TTC23: variants seen among roughly 807,000 people sequenced by gnomAD.
TTC23 encodes the protein tetratricopeptide repeat domain 23.
In TTC23, 58 loss-of-function variants were observed where a neutral mutation model predicts 55.1. The observed-to-expected ratio is 1.05, with a 90% CI of 0.85 to 1.31. The LOEUF is 1.31. TTC23 is among the 50% of genes most tolerant of loss of function. TTC23 has a pLI of 0.00. For missense variants in TTC23, 516 were observed against 534.4 expected, an observed-to-expected ratio of 0.97 and a Z score of 0.34; for synonymous variants, 203 against 199.9, an observed-to-expected ratio of 1.02 and a Z score of -0.13.
At chr15:99,179,081 G>C (rs189054400) in intron 9 of TTC23, among the ~76,000 whole-genome samples, 1 of 152,324 alleles carries the variant, frequency 6.6e-6, no homozygotes, top group East Asian at 1.9e-4. Flanking sequence ...CTGGGGCACA[G>C]AGCAGGGCTG....
At chr15:99,155,290 T>C (rs2070382731) in intron 12 of TTC23, 1 of 152,192 alleles carries the variant, frequency 6.6e-6, no homozygotes, top group Admixed American at 6.5e-5. Flanking sequence ...GCCTGAAAGA[T>C]ACAAAAGTAG....
rs57733522 is a variant in TTC23 at position 99,148,360 on chromosome 15, CAAAAAAAAAAAAAAA to C, written c.1143+7773_1143+7787del. 7.0e-3 allele frequency among the ~76,000 whole-genome samples: 214 copies of C among 30,420 alleles called. 8 individuals are homozygous for C. The highest frequency in any genetic ancestry group is 0.028 in the East Asian group (19 of 676). 20.0% of individuals were successfully genotyped at this position (30,420 alleles called of 152,430 possible). On this transcript the variant is annotated intron_variant, in intron 12 of 13. Transcript: ENST00000394132. Reference sequence around the variant, plus strand: ...TGGGTGACAGAGTGAGACTCTGTACCAAAAAAAAAAAAAAAAAAAAAAAAAAAGACCTTCTTAGCG... The same window carrying C: ...TGGGTGACAGAGTGAGACTCTGTACCAAAAAAAAAAAAGACCTTCTTAGCG...
intron 12 of TTC23, chr15:99,148,386 A>AAAAAAAAAAAAAAAAAAAAAAAAAAC (rs2069243426): frequency 6.8e-6 from 1 of 146,456 alleles, no homozygotes; most frequent in Non-Finnish European, 1.5e-5. Flanking sequence ...AAAAAAAAAA[A>AAAAAAAAAAAAAAAAAAAAAAAAAAC]AGACCTTCTT....
At chr15:99,246,328 A>C (rs2080237609) in intron 1 of TTC23, among the ~76,000 whole-genome samples, 1 of 152,176 alleles carries the variant, frequency 6.6e-6, no homozygotes, top group Non-Finnish European at 1.5e-5. Context: ...AAAATCAGTA[A>C]CATGGGGCTG....
At chr15:99,211,959 T>C (rs1044574400) in intron 8 of TTC23, among the ~76,000 whole-genome samples, 2 of 152,154 alleles carry the variant, frequency 1.3e-5, no homozygotes, top group Non-Finnish European at 2.9e-5. Context: ...CCTCCCAGTG[T>C]TGGGATTACA....
chr15:99,226,882 T>C (rs1567537597), intron 5 of TTC23, among the ~76,000 whole-genome samples: 1 of 152,354 alleles, frequency 6.6e-6, no homozygotes, highest in East Asian at 1.9e-4. Flanking sequence ...ATTTACAATG[T>C]TGATTGCCTC....
At chr15:99,193,666 G>A (rs893062549) in intron 9 of TTC23, among the ~76,000 whole-genome samples, 1 of 152,146 alleles carries the variant, frequency 6.6e-6, no homozygotes, top group Non-Finnish European at 1.5e-5. Context: ...GTCTTTCCAT[G>A]AACTTAAGAA....
rs35683833 is a variant in TTC23, at chr15:99,245,513, CAAAA to C, written c.-430-7_-430-4del. ...TGGGTGACAGAGCGAGACTCCATCT[CAAAA>C]AAAAAAAAAAAAGAATTAATATATA... On this transcript the variant is annotated splice_polypyrimidine_tract_variant and splice_region_variant and intron_variant, in intron 1 of 13. Coordinates refer to ENST00000394132, the MANE Select transcript of TTC23 (RefSeq NM_001288615.3). The C allele has an allele frequency of 5.2e-5, 6 of 115,688 alleles. No individual in the cohort carries two copies. The highest frequency in any genetic ancestry group is 3.6e-5 in the Non-Finnish European group (2 of 54,858). The allele number at this position is 115,688 out of a possible 1,614,324, so 7.2% of individuals were successfully genotyped here. A position where few individuals can be genotyped will look rare whatever the true frequency, so the allele number is the denominator to read the frequency against.
At chr15:99,150,283 A>G (rs1555496199) in intron 12 of TTC23, among the ~76,000 whole-genome samples, 1 of 152,192 alleles carries the variant, frequency 6.6e-6, no homozygotes, top group African/African-American at 2.4e-5. Context: ...GGTCCACTCC[A>G]TTCCATCCTC....
Position 99,200,094 on chromosome 15 carries a change from AC to A in TTC23, c.583del (p.Val195CysfsTer37). The A allele has an allele frequency of 1.3e-6, 2 of 1,572,058 alleles. No individual in the cohort carries two copies. The highest frequency in any genetic ancestry group is 1.7e-4 in the Middle Eastern group (1 of 5,858). On this transcript the variant is annotated frameshift_variant and splice_region_variant, in exon 9 of 14. Coordinates refer to ENST00000394132, the MANE Select transcript of TTC23 (RefSeq NM_001288615.3). LOFTEE classifies it high-confidence loss of function. The part of the protein sequence containing the change: ...EARIRLSFAQ[V>X]YQGQKKSKEA... The stretch of plus-strand genomic sequence containing the variant: ...TTTTGACTTCTTCTGACCTTGATAC[AC>A]CCTAAAAAAATCAAAGGAATTATTT...
At chr15:99,191,729 C>G (rs1034511243) in intron 9 of TTC23, among the ~76,000 whole-genome samples, 6 of 152,132 alleles carry the variant, frequency 3.9e-5, no homozygotes, top group Admixed American at 3.3e-4. Flanking sequence ...CAGACTAATA[C>G]AGCAAAACAG....
chr15:99,165,974 T>C (rs1567372592), intron 10 of TTC23, among the ~76,000 whole-genome samples: 1 of 152,216 alleles, frequency 6.6e-6, no homozygotes, highest in Non-Finnish European at 1.5e-5. Flanking sequence ...AGCTGAGCAA[T>C]TCTTTTTAAA....
chr15:99,167,602 A>G (rs1252227307), intron 10 of TTC23, among the ~76,000 whole-genome samples: 2 of 152,188 alleles, frequency 1.3e-5, no homozygotes, highest in Non-Finnish European at 2.9e-5. Flanking sequence ...ACCCTGAAAG[A>G]TTCTGTGTAG....
chr15:99,160,733 G>A (rs1352945688), intron 11 of TTC23: 1 of 151,294 alleles, frequency 6.6e-6, no homozygotes, highest in Non-Finnish European at 1.5e-5. Flanking sequence ...GCTTAACAGA[G>A]GCCGGGCGCA....
chr15:99,195,947 A>G (rs2151979857), intron 9 of TTC23, among the ~76,000 whole-genome samples: 1 of 152,042 alleles, frequency 6.6e-6, no homozygotes, highest in South Asian at 2.1e-4. Context: ...TGAGTTCAGG[A>G]GTTCAAGACC....
intron 11 of TTC23, chr15:99,157,213 T>G (rs2070723711): frequency 1.4e-5 from 1 of 73,214 alleles, no homozygotes; most frequent in Non-Finnish European, 2.6e-5. Context: ...ATCTGGAGGT[T>G]TTTTTTTTTT....
In TTC23 at chr15:99,138,033, G is replaced by C; in HGVS notation, c.1321C>G (p.Arg441Gly). The change falls in exon 14 of 14, where the codon CGG (arginine) becomes GGG (glycine). Residue 441 changes from arginine to glycine, a missense_variant. By Grantham distance (125) the Arg-to-Gly change is moderately radical. Transcript: ENST00000394132. ...IPQDTLLGKA[R>G]PGTTAD is the part of the protein sequence containing the mutation. ...CCTCAGTCTGCTGTTGTGCCGGGCC[G>C]GGCCTTCCCCAGCAGGGTGTCCTGA... The C allele has an allele frequency of 6.2e-7, 1 of 1,614,048 alleles. No individual in the cohort carries two copies. The highest frequency in any genetic ancestry group is 8.5e-7 in the Non-Finnish European group (1 of 1,180,002).
intron 6 of TTC23, 51 bp from the exon 7 acceptor site, chr15:99,219,099 A>C (rs2077704264): frequency 6.3e-7 from 1 of 1,592,626 alleles, no homozygotes; most frequent in African/African-American, 1.3e-5. Context: ...TCAACTGGAC[A>C]GGAATACAGT....
At chr15:99,187,658 C>A (rs191551028) in intron 9 of TTC23, among the ~76,000 whole-genome samples, 13 of 151,950 alleles carry the variant, frequency 8.6e-5, no homozygotes, top group Admixed American at 7.9e-4. Context: ...AGACAAATAA[C>A]CCTATTAAAA....
Sources: allele counts gnomAD v4.1 joint callset (sites outside exome capture counted in the v4.1 genomes callset), GRCh38; gene constraint gnomAD v4.1.1; transcripts MANE v1.5; gene names NCBI Gene and HGNC (gene_info 2026-07-23, HGNC 2026-07-21).